PTP4A1: variants seen among roughly 807,000 people sequenced by gnomAD.
The protein encoded by PTP4A1 is protein tyrosine phosphatase type IVA 1.
Under a neutral mutation model 20.5 loss-of-function variants are expected in PTP4A1, and 9 were observed. That is an observed-to-expected ratio of 0.44 (90% CI 0.26 to 0.77). The LOEUF is 0.77. Among genes scored for constraint, PTP4A1 ranks in the 30% least tolerant of loss-of-function variants. PTP4A1 has a pLI of 0.19. For missense variants in PTP4A1, 137 were observed against 218.8 expected (o/e 0.63, Z 2.36); for synonymous variants, 78 against 67.4 (o/e 1.16, Z -0.77).
At chr6:63,579,977 G>A (rs1408966482) in intron 5 of PTP4A1, 80 bp from the exon 6 acceptor site, 1 of 1,007,132 alleles carries the variant, frequency 9.9e-7, no homozygotes, top group Non-Finnish European at 1.5e-6. Context: ...CACAAGAGAG[G>A]TGATGGTTGT....
At chr6:63,529,214 T>TGTGTGTATATA (rs1562112515) in intron 2 of PTP4A1, among the ~76,000 whole-genome samples, 6 of 149,230 alleles carry the variant, frequency 4.0e-5, no homozygotes, top group African/African-American at 1.5e-4. Flanking sequence ...TGTATATATA[T>TGTGTGTATATA]TTGCTAATAA....
At chr6:63,527,756 A>G (rs1429466433) in intron 1 of PTP4A1, 1 of 152,184 alleles carries the variant, frequency 6.6e-6, no homozygotes, top group Admixed American at 6.5e-5. Flanking sequence ...GGGAAGTTAG[A>G]GCTTAGACAG....
intron 2 of PTP4A1, among the ~76,000 whole-genome samples, chr6:63,539,095 G>A (rs759095590): frequency 2.0e-5 from 3 of 151,978 alleles, no homozygotes; most frequent in Non-Finnish European, 2.9e-5. Context: ...GTTTCACCAT[G>A]TTGGCCCATG....
At chr6:63,566,326 C>T (rs990518636) in intron 3 of PTP4A1, among the ~76,000 whole-genome samples, 20 of 152,338 alleles carry the variant, frequency 1.3e-4, no homozygotes, top group Admixed American at 3.9e-4. Context: ...GTTTTACCCA[C>T]ATTAGTCTGT....
At chr6:63,564,886 G>A (rs1464968473) in intron 3 of PTP4A1, among the ~76,000 whole-genome samples, 1 of 152,170 alleles carries the variant, frequency 6.6e-6, no homozygotes, top group Non-Finnish European at 1.5e-5. Flanking sequence ...GTACCAGTAG[G>A]CAAAACAGTC....
intron 2 of PTP4A1, among the ~76,000 whole-genome samples, chr6:63,544,436 T>C (rs1776101682): frequency 6.6e-6 from 1 of 152,120 alleles, no homozygotes; most frequent in African/African-American, 2.4e-5. Flanking sequence ...GAATATATAT[T>C]CTCTTACATA....
chr6:63,534,859 CTTT>C (rs1440749991), intron 2 of PTP4A1, among the ~76,000 whole-genome samples: 1 of 94,148 alleles, frequency 1.1e-5, no homozygotes. Context: ...GTACTAAATT[CTTT>C]ACTAAAGAAT....
At chr6:63,518,693 T>C (rs1245467275), upstream of PTP4A1, among the ~76,000 whole-genome samples, 1 of 152,206 alleles carries the variant, frequency 6.6e-6, no homozygotes, top group Non-Finnish European at 1.5e-5. Context: ...CATTCAGCCT[T>C]CACAGTGTAC....
At chr6:63,547,872 A>T (rs763745268) in intron 2 of PTP4A1, among the ~76,000 whole-genome samples, 7 of 152,082 alleles carry the variant, frequency 4.6e-5, no homozygotes, top group Non-Finnish European at 1.0e-4. Flanking sequence ...TTGTTCTTGC[A>T]CTTTCCAACA....
Position 63,580,227 on chromosome 6 carries a change from G to GGC in PTP4A1, c.*53_*54insGC, listed in dbSNP as rs1778140074. 1.5e-6 allele frequency: 2 copies of GGC among 1,357,316 alleles called. No individual in the cohort carries two copies. The highest frequency in any genetic ancestry group is 4.6e-5 in the East Asian group (2 of 43,586). The allele number at this position is 1,357,316 out of a possible 1,614,324, so 84.1% of individuals were successfully genotyped here. ...TGGAACTTGAGATAGGGCCTAATTT[G>GGC]TTATACATATTAGCCAACATGTTGG... On this transcript the variant is annotated 3_prime_UTR_variant, in exon 6 of 6. Coordinates refer to ENST00000626021, the MANE Select transcript of PTP4A1 (RefSeq NM_003463.5).
In PTP4A1 at chr6:63,560,545, G is replaced by A. The variant is rs115106493; in HGVS notation, c.-446+10052G>A. 3.6e-3 allele frequency among the ~76,000 whole-genome samples: 553 copies of A among 151,746 alleles called. 5 individuals are homozygous for A. The highest frequency in any genetic ancestry group is 0.013 in the African/African-American group (523 of 41,376). ...AGCCACCCTAGCTGGCATTACAGGC[G>A]TGTACCACCATGGCCCACTAATCTG... On this transcript the variant is annotated intron_variant, in intron 3 of 3. Coordinates refer to the PTP4A1 transcript ENST00000639568.
intron 3 of PTP4A1, among the ~76,000 whole-genome samples, chr6:63,558,363 T>C (rs954044450): frequency 2.0e-5 from 3 of 151,778 alleles, no homozygotes; most frequent in African/African-American, 7.3e-5. Context: ...AGTAAAAAAT[T>C]AGAAGGAGGG....
intron 2 of PTP4A1, among the ~76,000 whole-genome samples, chr6:63,533,832 T>TTTAATTAATTAA (rs112434008): frequency 6.7e-6 from 1 of 149,768 alleles, no homozygotes; most frequent in African/African-American, 2.5e-5. Context: ...AACAAACTTT[T>TTTAATTAATTAA]TTAATTAATT....
At chr6:63,574,557 C>T (rs1050147015) in intron 1 of PTP4A1, among the ~76,000 whole-genome samples, 3 of 152,164 alleles carry the variant, frequency 2.0e-5, no homozygotes, top group Non-Finnish European at 4.4e-5. Flanking sequence ...AGTTCTTTCT[C>T]TGCTTCCTGA....
intron 3 of PTP4A1, among the ~76,000 whole-genome samples, chr6:63,561,258 A>G (rs911958114): frequency 1.3e-5 from 2 of 152,194 alleles, no homozygotes; most frequent in South Asian, 2.1e-4. Context: ...CTGAGGCTGC[A>G]TGTCCTGATT....
intron 1 of PTP4A1, among the ~76,000 whole-genome samples, chr6:63,522,988 C>A (rs1461335973): frequency 6.6e-6 from 1 of 151,786 alleles, no homozygotes; most frequent in Non-Finnish European, 1.5e-5. Context: ...CCACAGCCTC[C>A]GGAGTAGCTG....
intron 3 of PTP4A1, among the ~76,000 whole-genome samples, chr6:63,564,343 T>G (rs1581939936): frequency 6.6e-6 from 1 of 152,080 alleles, no homozygotes; most frequent in Non-Finnish European, 1.5e-5. Flanking sequence ...TTCAGTATCT[T>G]CCAGCCATGA....
intron 3 of PTP4A1, among the ~76,000 whole-genome samples, chr6:63,555,641 C>T (rs1776648774): frequency 6.6e-6 from 1 of 151,500 alleles, no homozygotes; most frequent in Admixed American, 6.6e-5. Context: ...TCCACTCTGT[C>T]TAGCAATGGT....
At chr6:63,573,990 G>C (rs540028583) in intron 1 of PTP4A1, among the ~76,000 whole-genome samples, 1 of 152,200 alleles carries the variant, frequency 6.6e-6, no homozygotes, top group African/African-American at 2.4e-5. Context: ...GGAATTCTGA[G>C]GGTTTTTTAT....
Sources: gnomAD v4.1 joint callset for allele counts (sites outside exome capture counted in the v4.1 genomes callset) on GRCh38, gnomAD v4.1.1 for gene constraint, MANE v1.5 for transcripts, NCBI Gene and HGNC (gene_info 2026-07-23, HGNC 2026-07-21) for gene names.